The following MSL2 variants were observed in gnomAD, a reference collection of about 807,000 sequenced individuals.
The protein encoded by MSL2 is MSL complex subunit 2, also known as E3 ubiquitin-protein ligase MSL2.
MSL2 carries 2 observed loss-of-function variants against 35.8 expected under a neutral mutation model. The ratio of observed to expected loss-of-function variants is 0.06; its 90% CI spans 0.02 to 0.18. The LOEUF is 0.18. MSL2 is among the 10% of genes least tolerant of loss of function. MSL2 has a pLI of 1.00. For synonymous variants in MSL2, 296 were observed against 255.7 expected, an observed-to-expected ratio of 1.16 and a Z score of -1.50; for missense variants, 523 against 706.7, an observed-to-expected ratio of 0.74 and a Z score of 2.95.
intron 1 of MSL2, among the ~76,000 whole-genome samples, chr3:136,157,672 A>C (rs1022197256): frequency 6.6e-6 from 1 of 152,216 alleles, no homozygotes; most frequent in Non-Finnish European, 1.5e-5. Flanking sequence ...TCAGAGTATC[A>C]CTAGTGCCCT....
In MSL2 at chr3:136,195,388, C is replaced by T. The variant is rs1424151613; in HGVS notation, c.-275G>A. ...GTTCGTCCGGAGCGACCACAGAGCG[C>T]AGAACGCGGCGGCTTGGGCGCTCGG... On this transcript the variant is annotated 5_prime_UTR_variant, in exon 1 of 2. Coordinates refer to ENST00000309993, the MANE Select transcript of MSL2 (RefSeq NM_018133.4). 5.1e-6 allele frequency: 6 copies of T among 1,175,708 alleles called. No homozygotes were observed. The highest frequency in any genetic ancestry group is 6.3e-6 in the Non-Finnish European group (6 of 949,250). 72.8% of individuals were successfully genotyped at this position (1,175,708 alleles called of 1,614,324 possible).
chr3:136,163,136 G>A lies in MSL2; in HGVS notation c.143-10398C>T, dbSNP rs1021530474. ...TAGCTGGGCATGGTGGTGGGCGCCT[G>A]TAATCCCAGCTACTCGGAAGGCTAC... is the stretch of plus-strand genomic sequence containing the variant. On this transcript the variant is annotated intron_variant, in intron 1 of 1. Coordinates refer to ENST00000309993, the MANE Select transcript of MSL2 (RefSeq NM_018133.4). Among the ~76,000 whole-genome samples the A allele has an allele frequency of 6.6e-5, 10 of 152,216 alleles. No individual in the cohort carries two copies. The Middle Eastern group carries it at 0.017, about 259-fold the overall frequency.
intron 1 of MSL2, among the ~76,000 whole-genome samples, chr3:136,158,227 G>A (rs1425465682): frequency 3.3e-5 from 5 of 151,562 alleles, no homozygotes; most frequent in African/African-American, 7.3e-5. Flanking sequence ...CAGGAGAATC[G>A]CTTCAATCCA....
At position 136,150,807 on chromosome 3, in the gene MSL2, T is replaced by TA. The variant is rs539076668; in HGVS notation, c.*339dup. The stretch of plus-strand genomic sequence containing the variant: ...ATGGACTGACTAGATACCACTTCCT[T>TA]ACATTTAATCATAAACTTTGATTAT... On this transcript the variant is annotated 3_prime_UTR_variant, in exon 2 of 2. Transcript: ENST00000309993. The TA allele has an allele frequency of 4.5e-5, 10 of 220,942 alleles. No homozygotes were observed. In the East Asian group the frequency reaches 9.2e-4, roughly 20 times the overall value. 13.7% of individuals were successfully genotyped at this position (220,942 alleles called of 1,614,324 possible).
intron 1 of MSL2, among the ~76,000 whole-genome samples, chr3:136,193,964 C>A (rs1940762194): frequency 6.6e-6 from 1 of 152,204 alleles, no homozygotes; most frequent in Non-Finnish European, 1.5e-5. Flanking sequence ...TATTATTTCT[C>A]CCTTCAGCCA....
At chr3:136,192,674 A>C (rs1476427864) in intron 1 of MSL2, among the ~76,000 whole-genome samples, 5 of 152,232 alleles carry the variant, frequency 3.3e-5, no homozygotes, top group African/African-American at 1.2e-4. Flanking sequence ...ACCACAGTTG[A>C]ATAAAAGGAT....
At chr3:136,163,752 G>C (rs1283358753) in intron 1 of MSL2, among the ~76,000 whole-genome samples, 1 of 152,136 alleles carries the variant, frequency 6.6e-6, no homozygotes, top group Non-Finnish European at 1.5e-5. Flanking sequence ...TGAATCATGG[G>C]AGCAGTTTCC....
intron 1 of MSL2, among the ~76,000 whole-genome samples, chr3:136,160,652 C>T (rs891842812): frequency 2.0e-5 from 3 of 148,220 alleles, no homozygotes; most frequent in Non-Finnish European, 3.0e-5. Context: ...GGAGGTGCAG[C>T]GAGCCGAGAC....
intron 1 of MSL2, among the ~76,000 whole-genome samples, chr3:136,193,510 A>G (rs541742534): frequency 6.6e-6 from 1 of 152,218 alleles, no homozygotes; most frequent in East Asian, 1.9e-4. Flanking sequence ...AAGAAAAAAA[A>G]AAGTATATGG....
At chr3:136,177,814 A>G (rs1940225735) in intron 1 of MSL2, among the ~76,000 whole-genome samples, 1 of 152,220 alleles carries the variant, frequency 6.6e-6, no homozygotes. Flanking sequence ...AGTGATAGCT[A>G]AACATATATG....
intron 1 of MSL2, among the ~76,000 whole-genome samples, chr3:136,172,793 ATTG>A (rs1172397355): frequency 6.6e-6 from 1 of 152,138 alleles, no homozygotes; most frequent in Non-Finnish European, 1.5e-5. Context: ...AAAAGTACAA[ATTG>A]TTGTTCAGAA....
chr3:136,187,121 A>C (rs184921531), intron 1 of MSL2, among the ~76,000 whole-genome samples: 27 of 152,342 alleles, frequency 1.8e-4, no homozygotes, highest in Admixed American at 1.2e-3. Flanking sequence ...TATCAAGTAC[A>C]TGTTATGTGA....
At chr3:136,181,478 T>C (rs1576372156) in intron 1 of MSL2, among the ~76,000 whole-genome samples, 2 of 152,232 alleles carry the variant, frequency 1.3e-5, no homozygotes, top group East Asian at 1.9e-4. Flanking sequence ...AAATGTTTTC[T>C]CTTTTTCTAA....
chr3:136,190,458 A>G (rs1940656024), intron 1 of MSL2, among the ~76,000 whole-genome samples: 1 of 151,676 alleles, frequency 6.6e-6, no homozygotes, highest in Non-Finnish European at 1.5e-5. Flanking sequence ...CTAGAGGCTA[A>G]TGCCAGAGGA....
At chr3:136,188,725 CAAAA>C (rs11328242) in intron 1 of MSL2, among the ~76,000 whole-genome samples, 7 of 102,490 alleles carry the variant, frequency 6.8e-5, no homozygotes, top group Admixed American at 2.2e-4. Context: ...GACCCTGTCT[CAAAA>C]AAAAAAAAAA....
At chr3:136,189,376 TACTA>T (rs1014005497) in intron 1 of MSL2, among the ~76,000 whole-genome samples, 1 of 142,616 alleles carries the variant, frequency 7.0e-6, no homozygotes, top group Non-Finnish European at 1.5e-5. Flanking sequence ...CCAAGAAAAT[TACTA>T]ACTAAACACA....
intron 1 of MSL2, chr3:136,194,677 AG>A: frequency 6.3e-6 from 2 of 317,940 alleles, no homozygotes; most frequent in South Asian, 4.4e-5. Context: ...AAAAAAAAAA[AG>A]CCTTGTGCAT....
rs1940827361 is a variant in MSL2, at chr3:136,195,803, G to A, written c.-690C>T. 9 of 984,936 alleles carry A rather than the reference G, an allele frequency of 9.1e-6. No homozygotes were observed. Among genetic ancestry groups the A allele is most frequent in the Non-Finnish European group, 1.1e-5 (9 of 829,836 alleles). The allele number at this position is 984,936 out of a possible 1,614,324, so 61.0% of individuals were successfully genotyped here. ...CGCAGTTCCCCGAGGTGGCGAGGCG[G>A]GCGGGAGTCCTCAACCCGGAGGGGA... is the stretch of plus-strand genomic sequence containing the variant. On this transcript the variant is annotated 5_prime_UTR_variant, in exon 1 of 2. Transcript: ENST00000309993.
At chr3:136,173,232 G>A (rs1403038553) in intron 1 of MSL2, among the ~76,000 whole-genome samples, 3 of 152,152 alleles carry the variant, frequency 2.0e-5, no homozygotes, top group African/African-American at 7.2e-5. Flanking sequence ...CCATAAAGCT[G>A]TTTTAACTAC....
Sources: allele counts gnomAD v4.1 joint callset (sites outside exome capture counted in the v4.1 genomes callset), GRCh38; gene constraint gnomAD v4.1.1; transcripts MANE v1.5; gene names NCBI Gene and HGNC (gene_info 2026-07-23, HGNC 2026-07-21).